The following MDFIC2 variants were observed in gnomAD, a reference collection of about 807,000 sequenced individuals.
The protein encoded by MDFIC2 is MyoD family inhibitor domain containing 2, also known as myoD family inhibitor domain-containing protein 2.
chr3:70,228,592 C>T (rs569805383), intron 2 of MDFIC2, among the ~76,000 whole-genome samples: 15 of 148,086 alleles, frequency 1.0e-4, no homozygotes, highest in African/African-American at 3.0e-4. Context: ...ATTTCAGAGT[C>T]GACTTACTGG....
At chr3:70,308,300 T>C (rs1182162925) in intron 2 of MDFIC2, among the ~76,000 whole-genome samples, 2 of 152,076 alleles carry the variant, frequency 1.3e-5, no homozygotes, top group African/African-American at 4.8e-5. Context: ...GTTCAAGGGA[T>C]CTTCCCATCT....
chr3:70,298,181 G>A (rs1702309396), intron 2 of MDFIC2, among the ~76,000 whole-genome samples: 1 of 151,964 alleles, frequency 6.6e-6, no homozygotes, highest in Non-Finnish European at 1.5e-5. Context: ...AGGTTTGCAG[G>A]TTTTTGATCT....
At chr3:70,279,419 T>C (rs915090758) in intron 2 of MDFIC2, among the ~76,000 whole-genome samples, 1 of 152,152 alleles carries the variant, frequency 6.6e-6, no homozygotes, top group African/African-American at 2.4e-5. Flanking sequence ...GAAAGACCTC[T>C]GGACTTTATC....
chr3:70,220,556 T>A (rs2106736371), intron 2 of MDFIC2, among the ~76,000 whole-genome samples: 1 of 152,306 alleles, frequency 6.6e-6, no homozygotes, highest in Non-Finnish European at 1.5e-5. Flanking sequence ...TGAAGTGAAT[T>A]TCAACATACA....
chr3:70,269,548 C>T (rs966508649), intron 2 of MDFIC2, among the ~76,000 whole-genome samples: 13 of 152,082 alleles, frequency 8.5e-5, no homozygotes, highest in Non-Finnish European at 5.9e-5. Flanking sequence ...TTTTTGACCA[C>T]GTAGCAGGGT....
chr3:70,246,018 C>T (rs900745550), intron 2 of MDFIC2, among the ~76,000 whole-genome samples: 2 of 151,200 alleles, frequency 1.3e-5, no homozygotes, highest in African/African-American at 4.9e-5. Flanking sequence ...CAATAACTTG[C>T]ATTGTTAAAT....
At chr3:70,282,954 G>A (rs1702103867) in intron 2 of MDFIC2, among the ~76,000 whole-genome samples, 1 of 152,166 alleles carries the variant, frequency 6.6e-6, no homozygotes, top group Non-Finnish European at 1.5e-5. Flanking sequence ...TAACCATTGA[G>A]TGTCCAGGCA....
At chr3:70,281,820 C>A (rs554419742) in intron 2 of MDFIC2, among the ~76,000 whole-genome samples, 36 of 152,236 alleles carry the variant, frequency 2.4e-4, no homozygotes, top group African/African-American at 7.2e-4. Context: ...ATAAGTGCAC[C>A]TTGTTTACAA....
At chr3:70,222,756 C>G (rs1433461758) in intron 2 of MDFIC2, among the ~76,000 whole-genome samples, 8 of 152,150 alleles carry the variant, frequency 5.3e-5, no homozygotes, top group African/African-American at 1.2e-4. Context: ...TATAAATATA[C>G]AGGTGCCTCC....
chr3:70,229,670 C>T (rs1376462007), intron 2 of MDFIC2, among the ~76,000 whole-genome samples: 1 of 152,126 alleles, frequency 6.6e-6, no homozygotes, highest in Non-Finnish European at 1.5e-5. Context: ...ATATGGTAGA[C>T]AACTCTGATG....
At chr3:70,201,692 T>C (rs1311148322) in intron 3 of MDFIC2, among the ~76,000 whole-genome samples, 1 of 152,180 alleles carries the variant, frequency 6.6e-6, no homozygotes, top group African/African-American at 2.4e-5. Context: ...CCAACCTGCC[T>C]TCCATAATAT....
At chr3:70,241,637 G>T (rs1027782973) in intron 2 of MDFIC2, among the ~76,000 whole-genome samples, 1 of 152,132 alleles carries the variant, frequency 6.6e-6, no homozygotes, top group African/African-American at 2.4e-5. Context: ...CAAGTTCACA[G>T]ACTCAGAAAG....
At position 70,224,682 on chromosome 3, in the gene MDFIC2, C is replaced by T. The variant is rs147323450; in HGVS notation, c.89-17892G>A. Among the ~76,000 whole-genome samples, 256 of 152,056 alleles carry T rather than the reference C, an allele frequency of 1.7e-3. 2 individuals are homozygous for T. The highest frequency in any genetic ancestry group is 5.8e-3 in the African/African-American group (242 of 41,486). On this transcript the variant is annotated intron_variant, in intron 2 of 3. Coordinates refer to ENST00000567252, the MANE Select transcript of MDFIC2 (RefSeq NM_001364677.1). ...ACTTGGGAATCCACTCTCTGAGACC[C>T]GTGGAGTTAAATATCAGGAGAAAAT... is the stretch of plus-strand genomic sequence containing the variant.
chr3:70,219,949 C>T (rs1005521323), intron 2 of MDFIC2, among the ~76,000 whole-genome samples: 1 of 152,114 alleles, frequency 6.6e-6, no homozygotes, highest in African/African-American at 2.4e-5. Flanking sequence ...TGAGCAGAAA[C>T]AATTTCTGAG....
intron 2 of MDFIC2, among the ~76,000 whole-genome samples, chr3:70,227,340 T>C (rs1024174197): frequency 6.6e-6 from 1 of 152,240 alleles, no homozygotes; most frequent in Non-Finnish European, 1.5e-5. Context: ...AGTTTGTTTT[T>C]GTTTTTTCCA....
chr3:70,214,607 C>CTTTTTTT (rs11391954), intron 2 of MDFIC2, among the ~76,000 whole-genome samples: 1 of 140,312 alleles, frequency 7.1e-6, no homozygotes. Flanking sequence ...CTGAAGTGGG[C>CTTTTTTT]TTTTTTTTTT....
intron 2 of MDFIC2, among the ~76,000 whole-genome samples, chr3:70,280,816 A>C (rs1349402810): frequency 1.3e-5 from 2 of 152,146 alleles, no homozygotes; most frequent in Non-Finnish European, 2.9e-5. Flanking sequence ...GTCATGAAAC[A>C]CCCATCCCAG....
intron 2 of MDFIC2, among the ~76,000 whole-genome samples, chr3:70,308,639 A>G (rs1422952785): frequency 6.6e-6 from 1 of 152,182 alleles, no homozygotes; most frequent in Non-Finnish European, 1.5e-5. Flanking sequence ...AGATGAATGA[A>G]TAATAAGGTC....
At position 70,198,749 on chromosome 3, in the gene MDFIC2, C is replaced by G. The variant is rs527567935; in HGVS notation, c.311-1564G>C. On this transcript the variant is annotated intron_variant, in intron 3 of 3. Coordinates refer to ENST00000567252, the MANE Select transcript of MDFIC2 (RefSeq NM_001364677.1). ...TTTATAGTTCAGGCAGCATATTCCA[C>G]AATACCTCTACTGTGTACAAACTCA... Among the ~76,000 whole-genome samples, 6 of 152,270 alleles carry G rather than the reference C, an allele frequency of 3.9e-5. No individual in the cohort carries two copies. In the South Asian group the frequency reaches 1.2e-3, roughly 32 times the overall value.
Sources: gnomAD v4.1 joint callset for allele counts (sites outside exome capture counted in the v4.1 genomes callset) on GRCh38, gnomAD v4.1.1 for gene constraint, MANE v1.5 for transcripts, NCBI Gene and HGNC (gene_info 2026-07-23, HGNC 2026-07-21) for gene names.